CCDC141: variants seen among roughly 807,000 people sequenced by gnomAD.
The protein encoded by CCDC141 is coiled-coil domain containing 141.
A neutral mutation model predicts 181.0 loss-of-function variants in CCDC141; 168 were observed. The ratio of observed to expected loss-of-function variants is 0.93; its 90% CI spans 0.82 to 1.05. The LOEUF is 1.05. CCDC141 is among the 50% of genes least tolerant of loss of function. The pLI is 0.00. For synonymous variants in CCDC141, 666 were observed against 642.3 expected (o/e 1.04, Z -0.56); for missense variants, 1,902 against 1,788.5 (o/e 1.06, Z -1.14).
chr2:178,900,587 T>C (rs914022514), intron 8 of CCDC141, among the ~76,000 whole-genome samples: 1 of 152,042 alleles, frequency 6.6e-6, no homozygotes, highest in Non-Finnish European at 1.5e-5. Flanking sequence ...GTATCAGCCA[T>C]TACAAAATGG....
Position 179,028,167 on chromosome 2 carries a change from C to T in CCDC141, c.225+19117G>A, listed in dbSNP as rs118176554. Among the ~76,000 whole-genome samples the T allele has an allele frequency of 9.1e-4, 139 of 152,268 alleles. 4 individuals are homozygous for T. The East Asian group carries it at 0.025, about 27-fold the overall frequency. On this transcript the variant is annotated intron_variant, in intron 2 of 23. Coordinates refer to ENST00000443758, the MANE Select transcript of CCDC141 (RefSeq NM_173648.4). ...GGTAACTCCACCTTGCCTTACATTC[C>T]TCCTGTTTTTGTTCACCTAAGAACT... is the stretch of plus-strand genomic sequence containing the variant.
chr2:178,823,717 T>A, the CCDC141 span, among the ~76,000 whole-genome samples: 1 of 152,210 alleles, frequency 6.6e-6, no homozygotes, highest in Non-Finnish European at 1.5e-5. Context: ...AGAATTTAAA[T>A]GAATTTATAT....
At chr2:178,943,170 G>A (rs1043582188) in intron 6 of CCDC141, among the ~76,000 whole-genome samples, 2 of 152,024 alleles carry the variant, frequency 1.3e-5, no homozygotes, top group African/African-American at 2.4e-5. Flanking sequence ...TGGGGCTTTC[G>A]ATAGAATTTT....
At chr2:179,004,581 T>A (rs1450475353) in intron 2 of CCDC141, among the ~76,000 whole-genome samples, 1 of 152,208 alleles carries the variant, frequency 6.6e-6, no homozygotes, top group Non-Finnish European at 1.5e-5. Flanking sequence ...CTGTAATTAA[T>A]CTTTCAGAGT....
chr2:178,930,602 A>G (rs1689065223), intron 6 of CCDC141, among the ~76,000 whole-genome samples: 1 of 152,172 alleles, frequency 6.6e-6, no homozygotes, highest in Non-Finnish European at 1.5e-5. Flanking sequence ...AACTGGCATG[A>G]AGATAGACAT....
chr2:178,900,802 A>G (rs1400393632), intron 8 of CCDC141, among the ~76,000 whole-genome samples: 1 of 152,160 alleles, frequency 6.6e-6, no homozygotes, highest in African/African-American at 2.4e-5. Flanking sequence ...TCTGGTCAAG[A>G]GGCCGGGACT....
At chr2:179,014,884 G>C (rs1373972758) in intron 2 of CCDC141, among the ~76,000 whole-genome samples, 25 of 151,362 alleles carry the variant, frequency 1.7e-4, no homozygotes, top group Admixed American at 1.6e-3. Context: ...AGAACTAAAA[G>C]TAGAACTACC....
At chr2:178,969,255 G>C (rs1222360327) in intron 4 of CCDC141, among the ~76,000 whole-genome samples, 3 of 152,008 alleles carry the variant, frequency 2.0e-5, no homozygotes, top group African/African-American at 7.3e-5. Context: ...CATTTTATGA[G>C]GCCAGCATCA....
Position 179,024,788 on chromosome 2 carries a change from T to C in CCDC141, c.225+22496A>G, listed in dbSNP as rs76235632. On this transcript the variant is annotated intron_variant, in intron 2 of 23. Coordinates refer to ENST00000443758, the MANE Select transcript of CCDC141 (RefSeq NM_173648.4). The stretch of plus-strand genomic sequence containing the variant: ...AATATTTTTGCCTCTAACTTTCCAT[T>C]AGTCTCTTTTTCAATTCCATTGATG... Among the ~76,000 whole-genome samples the C allele has an allele frequency of 8.6e-3, 1,308 of 152,348 alleles. 16 individuals are homozygous for C. Among genetic ancestry groups the C allele is most frequent in the African/African-American group, 0.03 (1,259 of 41,574 alleles).
intron 17 of CCDC141, among the ~76,000 whole-genome samples, chr2:178,860,094 CCA>C (rs1441593026): frequency 5.3e-5 from 8 of 152,162 alleles, no homozygotes; most frequent in African/African-American, 1.9e-4. Flanking sequence ...TGGTCAATCT[CCA>C]CAATGTCCAC....
intron 2 of CCDC141, chr2:179,002,515 C>T: frequency 2.5e-6 from 1 of 403,354 alleles, no homozygotes; most frequent in Non-Finnish European, 4.9e-6. Flanking sequence ...TGATGTCCAA[C>T]AATATGTGGT....
At chr2:179,012,588 A>T (rs1438302517) in intron 2 of CCDC141, among the ~76,000 whole-genome samples, 190 of 152,274 alleles carry the variant, frequency 1.2e-3, no homozygotes, top group African/African-American at 4.5e-3. Flanking sequence ...CACAAGATAA[A>T]GAAGGAACCC....
chr2:178,856,419 T>G, intron 17 of CCDC141, 22 bp from the exon 18 acceptor site: 1 of 1,514,414 alleles, frequency 6.6e-7, no homozygotes, highest in Non-Finnish European at 8.9e-7. Context: ...TAAAAAGAAA[T>G]AGGTGGTTTC....
chr2:178,820,628 C>A, the CCDC141 span, among the ~76,000 whole-genome samples: 1 of 151,954 alleles, frequency 6.6e-6, no homozygotes, highest in African/African-American at 2.4e-5. Flanking sequence ...AGAATGAGAT[C>A]TAAAGTTTTC....
chr2:178,866,563 G>A (rs1268869985), intron 16 of CCDC141, among the ~76,000 whole-genome samples: 1 of 152,046 alleles, frequency 6.6e-6, no homozygotes, highest in Non-Finnish European at 1.5e-5. Flanking sequence ...ATAGTTTAGT[G>A]GATATCTTAC....
Position 178,837,640 on chromosome 2 carries a change from G to A in CCDC141, c.3579C>T (p.Asp1193=), listed in dbSNP as rs768134635. 5 of 1,613,904 alleles carry A rather than the reference G, an allele frequency of 3.1e-6. No individual in the cohort carries two copies. Among genetic ancestry groups the A allele is most frequent in the South Asian group, 1.1e-5 (1 of 91,092 alleles). ...VSTDKEGGVQ[D]LLLPEDMLSG... ...AGAGCATGTCTTCAGGCAGGAGCAG[G>A]TCCTGGACGCCACCCTCCTTGTCAG... The change falls in exon 23 of 24, where the codon GAC becomes GAT. Residue 1193 remains aspartate (D), a synonymous_variant. Coordinates refer to ENST00000443758, the MANE Select transcript of CCDC141 (RefSeq NM_173648.4).
At chr2:178,824,970 T>A (rs1451770061), downstream of CCDC141, among the ~76,000 whole-genome samples, 1 of 152,154 alleles carries the variant, frequency 6.6e-6, no homozygotes, top group Non-Finnish European at 1.5e-5. Flanking sequence ...TTCTTTTAAG[T>A]AATAAAGTAC....
intron 7 of CCDC141, among the ~76,000 whole-genome samples, chr2:178,910,846 C>A (rs927997346): frequency 2.6e-4 from 39 of 152,286 alleles, no homozygotes; most frequent in African/African-American, 9.1e-4. Flanking sequence ...CCTATGGAAG[C>A]TTTTGTCTCA....
chr2:178,827,603 A>G (rs911324992), downstream of CCDC141, among the ~76,000 whole-genome samples: 2 of 152,182 alleles, frequency 1.3e-5, no homozygotes, highest in Non-Finnish European at 2.9e-5. Context: ...ATGAAAAGTT[A>G]CTGATGGACT....
Sources: gnomAD v4.1 joint callset for allele counts (sites outside exome capture counted in the v4.1 genomes callset) on GRCh38, gnomAD v4.1.1 for gene constraint, MANE v1.5 for transcripts, NCBI Gene and HGNC (gene_info 2026-07-23, HGNC 2026-07-21) for gene names.